The following DUS2 variants were observed in gnomAD, a reference collection of about 807,000 sequenced individuals.
DUS2 encodes the protein tRNA-dihydrouridine(20) synthase [NAD(P)+]-like.
In DUS2, 52 loss-of-function variants were observed where a neutral mutation model predicts 71.3. That is an observed-to-expected ratio of 0.73 (90% CI 0.58 to 0.92). The LOEUF is 0.92. Ranked by LOEUF, DUS2 falls within the 40% of genes least tolerant of loss-of-function variation. The probability of loss-of-function intolerance (pLI) is 0.00; values close to 1 mark genes in which losing one functional copy is unlikely to be tolerated. For missense variants in DUS2, 558 were observed against 622.6 expected, an observed-to-expected ratio of 0.90 and a Z score of 1.10; for synonymous variants, 204 against 227.8, an observed-to-expected ratio of 0.90 and a Z score of 0.94.
intron 1 of DUS2, among the ~76,000 whole-genome samples, chr16:68,024,867 T>A (rs1258719584): frequency 2.0e-5 from 3 of 150,522 alleles, no homozygotes; most frequent in Non-Finnish European, 4.4e-5. Context: ...AGTCTCACTG[T>A]GTTGCCCAGG....
At chr16:68,025,600 AT>A (rs1461465109) in intron 2 of DUS2, 106 bp downstream of exon 2, 1 of 152,088 alleles carries the variant, frequency 6.6e-6, no homozygotes, top group Non-Finnish European at 1.5e-5. Context: ...TTACAATATG[AT>A]TACCTCAAAA....
chr16:68,053,037 G>A (rs1223669753), intron 4 of DUS2, among the ~76,000 whole-genome samples: 6 of 148,596 alleles, frequency 4.0e-5, no homozygotes, highest in African/African-American at 1.2e-4. Context: ...ATCTCGGCTC[G>A]CTGCAACCTC....
At chr16:68,055,484 T>C (rs182558097) in intron 6 of DUS2, among the ~76,000 whole-genome samples, 19 of 152,220 alleles carry the variant, frequency 1.2e-4, no homozygotes, top group Non-Finnish European at 2.1e-4. Flanking sequence ...GAGAGTGCTA[T>C]AGTTAATGTG....
In DUS2 at chr16:68,076,663, A is replaced by G. The variant is rs2034161514; in HGVS notation, c.1114A>G (p.Met372Val). The G allele has an allele frequency of 6.2e-7, 1 of 1,613,984 alleles. No individual in the cohort carries two copies. The highest frequency in any genetic ancestry group is 8.5e-7 in the Non-Finnish European group (1 of 1,179,908). ...RAYPAQITPK[M>V]CLLEWCRREK... ...ATACCCAGCCCAGATCACCCCTAAGATGTGCCTACTAGAGTGGTGCCGGAG... is the reference window on the plus strand; with the variant it reads ...ATACCCAGCCCAGATCACCCCTAAGGTGTGCCTACTAGAGTGGTGCCGGAG... The change falls in exon 15 of 17, where the codon ATG (methionine) becomes GTG (valine). Residue 372 changes from methionine to valine, a missense_variant. Coordinates refer to ENST00000565263, the MANE Select transcript of DUS2 (RefSeq NM_017803.5).
At chr16:68,078,193 C>T (rs2034185711) in intron 15 of DUS2, 1 of 530,814 alleles carries the variant, frequency 1.9e-6, no homozygotes, top group South Asian at 2.1e-5. Flanking sequence ...CAGGAGGCTC[C>T]ATAGTCATGT....
At chr16:68,077,694 A>G (rs1048782725) in intron 15 of DUS2, among the ~76,000 whole-genome samples, 3 of 152,154 alleles carry the variant, frequency 2.0e-5, no homozygotes, top group Non-Finnish European at 4.4e-5. Flanking sequence ...TGGCCCAGAC[A>G]TGTTTTTGGA....
chr16:68,039,014 C>T (rs1265607243), intron 3 of DUS2, among the ~76,000 whole-genome samples: 20 of 151,666 alleles, frequency 1.3e-4, no homozygotes, highest in East Asian at 3.9e-4. Flanking sequence ...GCCTGGGCAA[C>T]GTAGTGAGAC....
At chr16:68,075,603 T>C in intron 14 of DUS2, 99 bp downstream of exon 14, 2 of 1,243,362 alleles carry the variant, frequency 1.6e-6, no homozygotes, top group Admixed American at 3.0e-5. Context: ...ATGTCAAACG[T>C]AGGGACCACA....
chr16:68,037,773 G>A (rs1477927520), intron 2 of DUS2: 5 of 276,038 alleles, frequency 1.8e-5, no homozygotes, highest in Non-Finnish European at 2.8e-5. Context: ...GGTGGCAGAC[G>A]CCCATAATCC....
chr16:68,051,825 G>A (rs1263804703), intron 4 of DUS2, among the ~76,000 whole-genome samples: 1 of 152,144 alleles, frequency 6.6e-6, no homozygotes, highest in Admixed American at 6.5e-5. Flanking sequence ...TTCTCTGTAA[G>A]TCCCATGACC....
At chr16:68,066,429 T>C in intron 9 of DUS2, 47 bp downstream of exon 9, 1 of 1,603,274 alleles carries the variant, frequency 6.2e-7, no homozygotes, top group South Asian at 1.1e-5. Flanking sequence ...TCTGGTGATG[T>C]TGGATTTAGG....
At position 68,068,711 on chromosome 16, in the gene DUS2, C is replaced by T. The variant is rs552110001; in HGVS notation, c.555-1423C>T. On this transcript the variant is annotated intron_variant, in intron 10 of 16. Transcript: ENST00000565263. ...TCAAGCAATTCTCCTGCCTCAGCCTCCTGAGTAGCTGGGATTACAGGTGCC... is the reference window on the plus strand; with the variant it reads ...TCAAGCAATTCTCCTGCCTCAGCCTTCTGAGTAGCTGGGATTACAGGTGCC... Among the ~76,000 whole-genome samples, 4 of 149,376 alleles carry T rather than the reference C, an allele frequency of 2.7e-5. No homozygotes were observed. In the South Asian group the frequency reaches 8.5e-4, roughly 32 times the overall value.
At chr16:68,078,033 CT>C in intron 15 of DUS2, 1 of 234,760 alleles carries the variant, frequency 4.3e-6, no homozygotes, top group Non-Finnish European at 8.5e-6. Context: ...TGCCTCGCTC[CT>C]TCCAGTTTCA....
chr16:68,039,468 G>T (rs977196404), intron 3 of DUS2, among the ~76,000 whole-genome samples: 1 of 152,044 alleles, frequency 6.6e-6, no homozygotes, highest in South Asian at 2.1e-4. Context: ...GCCCAGGCTG[G>T]AGTGCAGTGG....
At chr16:68,035,695 C>T (rs1440748884) in intron 2 of DUS2, among the ~76,000 whole-genome samples, 2 of 147,222 alleles carry the variant, frequency 1.4e-5, no homozygotes, top group Non-Finnish European at 3.0e-5. Context: ...GGTCTCTCTT[C>T]TTCATTCTAT....
chr16:68,054,914 G>T (rs1200474449), intron 6 of DUS2, among the ~76,000 whole-genome samples: 7 of 152,026 alleles, frequency 4.6e-5, no homozygotes, highest in Non-Finnish European at 1.0e-4. Flanking sequence ...GTGGTGGCGC[G>T]TGCCTGTAGT....
intron 7 of DUS2, among the ~76,000 whole-genome samples, chr16:68,060,378 ATCTCGGC>A (rs1387054032): frequency 6.6e-6 from 1 of 152,010 alleles, no homozygotes; most frequent in Non-Finnish European, 1.5e-5. Context: ...CAGTGGTGCA[ATCTCGGC>A]TCACTGCAAC....
intron 8 of DUS2, among the ~76,000 whole-genome samples, chr16:68,064,231 GTC>G (rs1280998438): frequency 1.3e-5 from 2 of 152,202 alleles, no homozygotes; most frequent in African/African-American, 4.8e-5. Flanking sequence ...ATATGGACTT[GTC>G]TCTCATTCTT....
intron 15 of DUS2, chr16:68,077,411 G>C (rs183641920): frequency 1.3e-5 from 2 of 151,628 alleles, no homozygotes; most frequent in Non-Finnish European, 2.9e-5. Flanking sequence ...TTTTTGAGAC[G>C]GAGTCTCGCT....
Sources: gnomAD v4.1 joint callset for allele counts (sites outside exome capture counted in the v4.1 genomes callset) on GRCh38, gnomAD v4.1.1 for gene constraint, MANE v1.5 for transcripts, NCBI Gene and HGNC (gene_info 2026-07-23, HGNC 2026-07-21) for gene names.